The following HHEX variants were observed in gnomAD, a reference collection of about 807,000 sequenced individuals.
The protein encoded by HHEX is hematopoietically-expressed homeobox protein HHEX.
In HHEX, 8 loss-of-function variants were observed where a neutral mutation model predicts 27.0. The ratio of observed to expected loss-of-function variants is 0.30; its 90% confidence interval spans 0.17 to 0.54. The LOEUF is 0.54. Ranked by LOEUF, HHEX falls within the 20% of genes least tolerant of loss-of-function variation. The pLI is 0.95. For missense variants in HHEX, 326 were observed against 357.2 expected (o/e 0.91, Z 0.70); for synonymous variants, 164 against 161.5 (o/e 1.02, Z -0.12).
Position 92,692,112 on chromosome 10 carries a change from T to G in HHEX, c.362-256T>G, listed in dbSNP as rs552119810. On this transcript the variant is annotated intron_variant, in intron 1 of 3. Transcript: ENST00000282728. ...TTTGGGGTTAAAGGTATGTCTGGATTTAGTTCTAGGTGTGACGGCTGTGTG... is the reference window on the plus strand; with the variant it reads ...TTTGGGGTTAAAGGTATGTCTGGATGTAGTTCTAGGTGTGACGGCTGTGTG... The G allele has an allele frequency of 8.2e-4, 295 of 360,760 alleles. 1 individual carries two copies. The highest frequency in any genetic ancestry group is 5.0e-3 in the African/African-American group (242 of 48,324). The allele number at this position is 360,760 out of a possible 1,614,324, so 22.3% of individuals were successfully genotyped here. A position where few individuals can be genotyped will look rare whatever the true frequency, so the allele number is the denominator to read the frequency against.
chr10:92,690,086 A>G lies in HHEX; in HGVS notation c.100A>G (p.Ile34Val). ...ACCCGCACACCCGACGCCCTTTTAC[A>G]TCGAGGACATCCTGGGCCGCGGGCC... ...LQPAHPTPFY[I>V]EDILGRGPAA... is the part of the protein sequence containing the mutation. Residue 34 changes from isoleucine (I) to valine (V), a missense_variant, in exon 1 of 4, where the codon ATC becomes GTC. Ile to Val is a conservative substitution (Grantham distance 29). Around this residue, in one of 4 missense-constraint regions of HHEX, gnomAD observed 215 missense variants for 196.4 expected, o/e 1.09. Transcript: ENST00000282728. 1 of 1,547,180 alleles carries G rather than the reference A, an allele frequency of 6.5e-7. No individual in the cohort carries two copies. The highest frequency in any genetic ancestry group is 8.7e-7 in the Non-Finnish European group (1 of 1,145,606).
intron 3 of HHEX, 117 bp from the exon 4 acceptor site, chr10:92,694,430 A>T: frequency 1.4e-6 from 1 of 740,548 alleles, no homozygotes. Context: ...AACTGAAAAC[A>T]CTCAGTAAAC....
At chr10:92,692,260 G>A in intron 1 of HHEX, 108 bp from the exon 2 acceptor site, 1 of 1,128,912 alleles carries the variant, frequency 8.9e-7, no homozygotes, top group Non-Finnish European at 1.3e-6. Context: ...AATGTGTCTG[G>A]TTGGGTGGCC....
rs1845388629 is a variant in HHEX at position 92,694,827 on chromosome 10, A to G, written c.*59A>G. On this transcript the variant is annotated 3_prime_UTR_variant, in exon 4 of 4. Transcript: ENST00000282728. ...ATTTAGGAATAATGTTTTGCTACAG[A>G]AAATCTTCATAGAAGAACTGGAAGG... 4.0e-6 allele frequency: 5 copies of G among 1,262,416 alleles called. No individual in the cohort carries two copies. Among genetic ancestry groups the G allele is most frequent in the Non-Finnish European group, 5.7e-6 (5 of 876,046 alleles). 78.2% of individuals were successfully genotyped at this position (1,262,416 alleles called of 1,614,324 possible).
rs1845338295 is a variant in HHEX at position 92,690,242 on chromosome 10, G to A, written c.256G>A (p.Ala86Thr). Residue 86 changes from alanine to threonine, a missense_variant, in exon 1 of 4, where the codon GCG becomes ACG. Physicochemically the swap from Ala to Thr is moderately conservative, Grantham distance 58. Transcript: ENST00000282728. ...AGCCTTCTCGCACCACTCCGCCGCC[G>A]CGCTGGCCGCTGCCTACGGACCCGG... ...HPAFSHHSAA[A>T]LAAAYGPGGF... is the part of the protein sequence containing the mutation. 6.4e-7 allele frequency: 1 copy of A among 1,564,832 alleles called. No homozygotes were observed. Among genetic ancestry groups the A allele is most frequent in the South Asian group, 1.2e-5 (1 of 85,176 alleles).
At chr10:92,692,854 T>C (rs1845371584) in intron 3 of HHEX, 102 bp downstream of exon 3, 6 of 955,216 alleles carry the variant, frequency 6.3e-6, no homozygotes, top group Middle Eastern at 2.1e-4. Flanking sequence ...AAGAGACTAT[T>C]TAACCTCTTC....
Position 92,692,476 on chromosome 10 carries a change from A to G in HHEX, c.470A>G (p.Glu157Gly), listed in dbSNP as rs1274323168. The G allele has an allele frequency of 6.2e-7, 1 of 1,614,034 alleles. No individual in the cohort carries two copies. Among genetic ancestry groups the G allele is most frequent in the East Asian group, 2.2e-5 (1 of 44,868 alleles). Residue 157 changes from glutamate to glycine, a missense_variant, in exon 2 of 4, where the codon GAG (glutamate) becomes GGG (glycine). By Grantham distance (98) the Glu-to-Gly change is moderately conservative. Transcript: ENST00000282728. ...ACCATCGAGCTGGAGAAGAAATTCG[A>G]GACGCAGAAATATCTCTCTCCGCCC... ...DQTIELEKKF[E>G]TQKYLSPPER...
chr10:92,690,115 C>T lies in HHEX; in HGVS notation c.129C>T (p.Ala43=). 6 of 1,548,214 alleles carry T rather than the reference C, an allele frequency of 3.9e-6. No homozygotes were observed. The highest frequency in any genetic ancestry group is 5.2e-6 in the Non-Finnish European group (6 of 1,145,918). ...YIEDILGRGP[A]APTPAPTLPS... is the part of the protein sequence containing the mutation. ...AGGACATCCTGGGCCGCGGGCCCGC[C>T]GCGCCCACGCCCGCCCCCACGCTGC... Residue 43 remains alanine (A), a synonymous_variant, in exon 1 of 4, where the codon GCC becomes GCT. Coordinates refer to ENST00000282728, the MANE Select transcript of HHEX (RefSeq NM_002729.5).
At chr10:92,690,836 GT>G (rs1333063896) in intron 1 of HHEX, among the ~76,000 whole-genome samples, 1 of 152,222 alleles carries the variant, frequency 6.6e-6, no homozygotes, top group Non-Finnish European at 1.5e-5. Context: ...GCTGTTAAGT[GT>G]TTTCCTGGCT....
intron 3 of HHEX, among the ~76,000 whole-genome samples, chr10:92,693,500 G>T (rs372629981): frequency 2.0e-5 from 3 of 152,094 alleles, no homozygotes; most frequent in African/African-American, 7.2e-5. Context: ...TTGTATATAC[G>T]GTTTATAATA....
rs772515492 is a variant in HHEX at position 92,694,586 on chromosome 10, T to C, written c.631T>C (p.Leu211=). ...QSNKKEELES[L]DSSCDQRQDL... ...CAATAAAAAAGAAGAACTGGAAAGTTTGGACAGTTCCTGTGATCAGAGGCA... is the reference window on the plus strand; with the variant it reads ...CAATAAAAAAGAAGAACTGGAAAGTCTGGACAGTTCCTGTGATCAGAGGCA... The change falls in exon 4 of 4, where the codon TTG becomes CTG. Residue 211 remains leucine (L), a synonymous_variant. Coordinates refer to ENST00000282728, the MANE Select transcript of HHEX (RefSeq NM_002729.5). 7 of 1,614,018 alleles carry C rather than the reference T, an allele frequency of 4.3e-6. No individual in the cohort carries two copies. The highest frequency in any genetic ancestry group is 5.9e-6 in the Non-Finnish European group (7 of 1,179,998).
intron 2 of HHEX, 42 bp from the exon 3 acceptor site, chr10:92,692,660 G>A (rs1257524940): frequency 1.9e-6 from 3 of 1,610,560 alleles, no homozygotes; most frequent in African/African-American, 1.3e-5. Context: ...GGCACGTCCC[G>A]ACGCGGGCTC....
intron 3 of HHEX, among the ~76,000 whole-genome samples, chr10:92,693,186 T>C (rs1845374010): frequency 6.6e-6 from 1 of 152,232 alleles, no homozygotes; most frequent in Admixed American, 6.5e-5. Context: ...TAAGTCTTGT[T>C]TGCACTGTTT....
intron 1 of HHEX, among the ~76,000 whole-genome samples, chr10:92,691,222 T>C (rs1319885777): frequency 6.6e-6 from 1 of 152,152 alleles, no homozygotes. Context: ...ACATAGGGCA[T>C]ATATTCCAGA....
rs754315134 is a variant in HHEX at position 92,690,185 on chromosome 10, A to T, written c.199A>T (p.Thr67Ser). The T allele has an allele frequency of 1.3e-6, 2 of 1,566,390 alleles. No homozygotes were observed. The highest frequency in any genetic ancestry group is 2.4e-5 in the East Asian group (1 of 41,978). Residue 67 changes from threonine to serine, a missense_variant, in exon 1 of 4, where the codon ACC becomes TCC. Thr to Ser is a moderately conservative substitution (Grantham distance 58). This residue lies in a region of HHEX where 215 missense variants were observed against 196.4 expected (regional missense o/e 1.09). Transcript: ENST00000282728. Reference protein sequence around the residue: ...SFTSLVSPYRTPVYEPTPIHP... With the variant: ...SFTSLVSPYRSPVYEPTPIHP... ...CACCAGCCTCGTGTCCCCCTACCGG[A>T]CCCCGGTGTACGAGCCCACGCCGAT...
intron 3 of HHEX, among the ~76,000 whole-genome samples, chr10:92,693,445 T>C (rs556304471): frequency 1.4e-4 from 22 of 152,344 alleles, no homozygotes; most frequent in African/African-American, 5.0e-4. Context: ...AATCTGGATA[T>C]ACTCTCCAAA....
At chr10:92,690,429 G>A in intron 1 of HHEX, 82 bp downstream of exon 1, 4 of 1,369,868 alleles carry the variant, frequency 2.9e-6, no homozygotes, top group Non-Finnish European at 3.8e-6. Flanking sequence ...GGGCGAAGGG[G>A]GCAGGCGGTA....
At position 92,694,628 on chromosome 10, in the gene HHEX, C is replaced by T; in HGVS notation, c.673C>T (p.Gln225Ter). Residue 225 changes from glutamine (Q) to a stop codon, truncating the protein, a stop_gained, in exon 4 of 4, where the codon CAG becomes TAG. Coordinates refer to ENST00000282728, the MANE Select transcript of HHEX (RefSeq NM_002729.5). LOFTEE classifies it high-confidence loss of function. ...CDQRQDLPSE[Q>*]NKGASLDSSQ... is the part of the protein sequence containing the mutation. Reference sequence around the variant, plus strand: ...TCAGAGGCAAGATTTGCCCAGTGAACAGAATAAAGGTGCTTCTTTGGATAG... The same window carrying T: ...TCAGAGGCAAGATTTGCCCAGTGAATAGAATAAAGGTGCTTCTTTGGATAG... 1 of 1,614,104 alleles carries T rather than the reference C, an allele frequency of 6.2e-7. No homozygotes were observed. The highest frequency in any genetic ancestry group is 1.1e-5 in the South Asian group (1 of 91,080).
intron 3 of HHEX, among the ~76,000 whole-genome samples, chr10:92,694,281 T>G: frequency 6.6e-6 from 1 of 152,208 alleles, no homozygotes; most frequent in East Asian, 1.9e-4. Context: ...CCAGAATTTG[T>G]GTTCAATTGG....
Sources: gnomAD v4.1 joint callset for allele counts (sites outside exome capture counted in the v4.1 genomes callset) on GRCh38, gnomAD v4.1.1 for gene constraint, gnomAD v4.1.1 regional missense constraint, MANE v1.5 for transcripts, NCBI Gene and HGNC (gene_info 2026-07-23, HGNC 2026-07-21) for gene names.